PPP6C: variants seen among roughly 807,000 people sequenced by gnomAD.
PPP6C encodes protein phosphatase 6 catalytic subunit, also known as serine/threonine-protein phosphatase 6 catalytic subunit.
In PPP6C, 11 loss-of-function variants were observed where a neutral mutation model predicts 39.8. The observed-to-expected ratio is 0.28, with a 90% confidence interval of 0.17 to 0.46. The LOEUF (loss-of-function observed/expected upper bound fraction) is 0.46, where lower values mean the gene tolerates loss of function less well. PPP6C is among the 20% of genes least tolerant of loss of function. PPP6C has a pLI of 1.00. For synonymous variants in PPP6C, 129 were observed against 130.3 expected (o/e 0.99, Z 0.07); for missense variants, 211 against 373.9 (o/e 0.56, Z 3.59).
chr9:125,183,702 A>G (rs1829465409), intron 1 of PPP6C, among the ~76,000 whole-genome samples: 1 of 152,112 alleles, frequency 6.6e-6, no homozygotes, highest in South Asian at 2.1e-4. Flanking sequence ...CATGGTGTTT[A>G]TTCTGTTTGC....
At chr9:125,177,231 G>A (rs775719773) in intron 1 of PPP6C, among the ~76,000 whole-genome samples, 40 of 152,034 alleles carry the variant, frequency 2.6e-4, no homozygotes, top group African/African-American at 3.9e-4. Flanking sequence ...AAAATTAGCC[G>A]GGCGTGGTGG....
intron 1 of PPP6C, 189 bp downstream of exon 1, chr9:125,189,455 C>T (rs917721005): frequency 2.4e-5 from 34 of 1,419,808 alleles, no homozygotes; most frequent in African/African-American, 2.9e-5. Context: ...CTGAGGCAAC[C>T]GGGACAGCAT....
In PPP6C at chr9:125,150,606, C is replaced by A; in HGVS notation, c.670-685G>T. 4 of 842,926 alleles carry A rather than the reference C, an allele frequency of 4.7e-6. No individual in the cohort carries two copies. In the South Asian group the frequency reaches 5.1e-5, roughly 11 times the overall value. The allele number at this position is 842,926 out of a possible 1,614,324, so 52.2% of individuals were successfully genotyped here. ...ACTTTGGTTGCAGTCTCTGCAGCAG[C>A]AGTGATCACTTAGTGAAGAGTGCTT... On this transcript the variant is annotated intron_variant, in intron 6 of 6. Coordinates refer to ENST00000373547, the MANE Select transcript of PPP6C (RefSeq NM_002721.5).
chr9:125,163,055 G>A (rs1412813391), intron 2 of PPP6C, among the ~76,000 whole-genome samples: 1 of 151,740 alleles, frequency 6.6e-6, no homozygotes, highest in Non-Finnish European at 1.5e-5. Flanking sequence ...TTCCAGCCTG[G>A]ATGACACAGC....
chr9:125,174,637 T>C (rs540323497), intron 1 of PPP6C, among the ~76,000 whole-genome samples: 4 of 151,680 alleles, frequency 2.6e-5, no homozygotes, highest in Non-Finnish European at 5.9e-5. Context: ...AGGCCAGCCG[T>C]GGTGGCTCAC....
chr9:125,172,747 A>ACACACACACACACACACACG (rs1829202447), intron 1 of PPP6C, among the ~76,000 whole-genome samples: 1 of 144,212 alleles, frequency 6.9e-6, no homozygotes, highest in African/African-American at 2.9e-5. Context: ...ACACACACAC[A>ACACACACACACACACACACG]CACAAACACA....
At chr9:125,150,342 A>C (rs1256996027) in intron 6 of PPP6C, among the ~76,000 whole-genome samples, 1 of 152,210 alleles carries the variant, frequency 6.6e-6, no homozygotes, top group African/African-American at 2.4e-5. Context: ...TAACTTATCT[A>C]AATTAAGATA....
chr9:125,163,757 A>G (rs1229664088), intron 2 of PPP6C, among the ~76,000 whole-genome samples: 4 of 152,104 alleles, frequency 2.6e-5, no homozygotes, highest in Non-Finnish European at 5.9e-5. Context: ...AAAAGCTTTT[A>G]AAGTTTGTAT....
At chr9:125,181,611 T>C (rs1041542993) in intron 1 of PPP6C, among the ~76,000 whole-genome samples, 2 of 152,210 alleles carry the variant, frequency 1.3e-5, no homozygotes, top group African/African-American at 4.8e-5. Context: ...CTGTGTTAGT[T>C]TGCTGAGAAT....
chr9:125,182,803 C>G (rs1318243456), intron 1 of PPP6C, among the ~76,000 whole-genome samples: 2 of 150,082 alleles, frequency 1.3e-5, no homozygotes, highest in Non-Finnish European at 3.0e-5. Flanking sequence ...CTGTGACAAC[C>G]AAAAATGTCT....
intron 2 of PPP6C, among the ~76,000 whole-genome samples, chr9:125,162,910 T>A (rs1828918317): frequency 6.6e-6 from 1 of 151,566 alleles, no homozygotes; most frequent in Admixed American, 6.6e-5. Flanking sequence ...AAACCCAGTC[T>A]CTACTAAAAA....
intron 6 of PPP6C, chr9:125,151,661 AC>A: frequency 3.5e-6 from 2 of 577,472 alleles, no homozygotes; most frequent in Non-Finnish European, 6.2e-6. Context: ...GTATTTGATG[AC>A]GAATTCAGCA....
Position 125,175,958 on chromosome 9 carries a change from A to G in PPP6C, c.76-4778T>C, listed in dbSNP as rs558450260. Among the ~76,000 whole-genome samples the G allele has an allele frequency of 2.0e-5, 3 of 152,320 alleles. No homozygotes were observed. The East Asian group carries it at 5.8e-4, about 29-fold the overall frequency. On this transcript the variant is annotated intron_variant, in intron 1 of 6. Coordinates refer to ENST00000373547, the MANE Select transcript of PPP6C (RefSeq NM_002721.5). ...AAAATATATAACAGTAATTTGTCACATAGTAATATCAAGGAAGTATAGAGC... is the reference window on the plus strand; with the variant it reads ...AAAATATATAACAGTAATTTGTCACGTAGTAATATCAAGGAAGTATAGAGC...
intron 2 of PPP6C, among the ~76,000 whole-genome samples, chr9:125,168,342 G>A (rs1723384510): frequency 6.6e-6 from 1 of 152,108 alleles, no homozygotes; most frequent in African/African-American, 2.4e-5. Flanking sequence ...ACCCAATCCT[G>A]CAATTCCAGA....
chr9:125,167,398 AAGAAAT>A (rs1391131005), intron 2 of PPP6C, among the ~76,000 whole-genome samples: 9 of 125,144 alleles, frequency 7.2e-5, no homozygotes, highest in East Asian at 5.3e-4. Flanking sequence ...AAAAAAAAAA[AAGAAAT>A]AAAAAAAAGG....
chr9:125,165,709 C>G (rs1299437351), intron 2 of PPP6C, among the ~76,000 whole-genome samples: 1 of 151,594 alleles, frequency 6.6e-6, no homozygotes, highest in Non-Finnish European at 1.5e-5. Flanking sequence ...TCTTTAAATA[C>G]TGTACCAAAA....
At chr9:125,152,529 G>C (rs959733585) in intron 6 of PPP6C, among the ~76,000 whole-genome samples, 1 of 151,716 alleles carries the variant, frequency 6.6e-6, no homozygotes, top group Non-Finnish European at 1.5e-5. Context: ...CTGTTAAAAA[G>C]AAAAAAAAGA....
chr9:125,188,452 G>A (rs1197706326), intron 1 of PPP6C, among the ~76,000 whole-genome samples: 1 of 151,890 alleles, frequency 6.6e-6, no homozygotes, highest in Non-Finnish European at 1.5e-5. Flanking sequence ...AGAAACCTAA[G>A]CTCTGATTTC....
At chr9:125,180,892 A>G (rs897128757) in intron 1 of PPP6C, among the ~76,000 whole-genome samples, 2 of 152,202 alleles carry the variant, frequency 1.3e-5, no homozygotes, top group Non-Finnish European at 2.9e-5. Flanking sequence ...AACTCTGTCA[A>G]TCTGAAAGAT....
Sources: gnomAD v4.1 joint callset for allele counts (sites outside exome capture counted in the v4.1 genomes callset) on GRCh38, gnomAD v4.1.1 for gene constraint, MANE v1.5 for transcripts, NCBI Gene and HGNC (gene_info 2026-07-23, HGNC 2026-07-21) for gene names.